RNF175: variants seen among roughly 807,000 people sequenced by gnomAD.
The protein encoded by RNF175 is ring finger protein 175.
Under a neutral mutation model 50.0 loss-of-function variants are expected in RNF175, and 38 were observed. The observed-to-expected ratio is 0.76, with a 90% CI of 0.59 to 1.00. RNF175 has a LOEUF of 1.00. Among genes scored for constraint, RNF175 ranks in the 50% least tolerant of loss-of-function variants. The probability of loss-of-function intolerance (pLI) is 0.00; values close to 1 mark genes in which losing one functional copy is unlikely to be tolerated. For synonymous variants in RNF175, 155 were observed against 146.1 expected, an observed-to-expected ratio of 1.06 and a Z score of -0.44; for missense variants, 388 against 409.6, an observed-to-expected ratio of 0.95 and a Z score of 0.46.
In RNF175 at chr4:153,751,599, T is replaced by C. The variant is rs565058024; in HGVS notation, c.67-124A>G. The stretch of plus-strand genomic sequence containing the variant: ...AATGTCACATAGTATTTGAATAATT[T>C]GGGATAAAAGTCCTAGTAAAATAAT... On this transcript the variant is annotated intron_variant, in intron 1 of 8. Transcript: ENST00000347063. 6.2e-5 allele frequency: 43 copies of C among 694,554 alleles called. 1 individual carries two copies. The East Asian group carries it at 9.7e-4, about 16-fold the overall frequency. The allele number at this position is 694,554 out of a possible 1,614,324, so 43.0% of individuals were successfully genotyped here.
chr4:153,711,303 C>T (rs1737558900), intron 8 of RNF175, among the ~76,000 whole-genome samples: 1 of 152,096 alleles, frequency 6.6e-6, no homozygotes, highest in South Asian at 2.1e-4. Context: ...ACACTTTTAG[C>T]CTTGAGTTGG....
intron 1 of RNF175, among the ~76,000 whole-genome samples, chr4:153,752,820 AAG>A (rs912057227): frequency 1.3e-5 from 2 of 152,224 alleles, no homozygotes; most frequent in African/African-American, 2.4e-5. Flanking sequence ...TTTAATCAAA[AAG>A]AGACAGTCCA....
chr4:153,726,722 C>G (rs1469188382), intron 4 of RNF175, among the ~76,000 whole-genome samples: 1 of 152,204 alleles, frequency 6.6e-6, no homozygotes, highest in African/African-American at 2.4e-5. Flanking sequence ...GGCCTATTGC[C>G]TCTTATGTAC....
At chr4:153,746,592 C>T (rs934988060) in intron 3 of RNF175, among the ~76,000 whole-genome samples, 3 of 152,108 alleles carry the variant, frequency 2.0e-5, no homozygotes, top group Non-Finnish European at 4.4e-5. Flanking sequence ...CATAGCTCTC[C>T]GAGGCTGGAG....
chr4:153,759,756 C>T, intron 1 of RNF175, 41 bp downstream of exon 1: 1 of 1,375,886 alleles, frequency 7.3e-7, no homozygotes, highest in Non-Finnish European at 9.7e-7. Flanking sequence ...CCCCGGGACC[C>T]CGGCCTGGCG....
intron 6 of RNF175, among the ~76,000 whole-genome samples, chr4:153,719,346 A>G (rs1332274138): frequency 6.6e-6 from 1 of 152,086 alleles, no homozygotes; most frequent in African/African-American, 2.4e-5. Context: ...TTCTTTTTCC[A>G]GTCTATCATT....
At chr4:153,752,741 AAC>A (rs1740355168) in intron 1 of RNF175, among the ~76,000 whole-genome samples, 1 of 152,214 alleles carries the variant, frequency 6.6e-6, no homozygotes, top group Non-Finnish European at 1.5e-5. Context: ...AGACAAATTG[AAC>A]TGGGGAAAGC....
rs188269452 is a variant in RNF175 at position 153,715,924 on chromosome 4, T to C, written c.631-262A>G. 3.5e-3 allele frequency among the ~76,000 whole-genome samples: 526 copies of C among 151,456 alleles called. 2 individuals are homozygous for C. Among genetic ancestry groups the C allele is most frequent in the African/African-American group, 0.012 (481 of 41,248 alleles). ...TAAAAATACAAAAAAATTAGCCAGG[T>C]GCGGTGGTGGGTGCCTGTAATCCCA... is the stretch of plus-strand genomic sequence containing the variant. On this transcript the variant is annotated intron_variant, in intron 6 of 8. Coordinates refer to ENST00000347063, the MANE Select transcript of RNF175 (RefSeq NM_173662.4).
chr4:153,737,056 AT>A (rs1739391006), intron 3 of RNF175, among the ~76,000 whole-genome samples: 1 of 152,120 alleles, frequency 6.6e-6, no homozygotes, highest in Non-Finnish European at 1.5e-5. Flanking sequence ...ATGGGGTCTC[AT>A]TATGTTGCCC....
Position 153,748,685 on chromosome 4 carries a change from A to C in RNF175, c.206T>G (p.Val69Gly). 2 of 1,604,698 alleles carry C rather than the reference A, an allele frequency of 1.2e-6. No homozygotes were observed. The highest frequency in any genetic ancestry group is 1.3e-5 in the African/African-American group (1 of 74,872). Residue 69 changes from valine (V) to glycine (G), a missense_variant, in exon 3 of 9, where the codon GTG becomes GGG. By Grantham distance (109) the Val-to-Gly change is moderately radical. Transcript: ENST00000347063. ...ATGCCTCTGTCTCCACTGAACCAGC[A>C]CTATCTGGGCAATGACCAGAACGCA... The part of the protein sequence containing the change: ...FLCVLVIAQI[V>G]LVQWRQRHGR...
intron 1 of RNF175, among the ~76,000 whole-genome samples, chr4:153,753,945 C>G (rs1321657838): frequency 2.7e-5 from 4 of 150,442 alleles, no homozygotes; most frequent in African/African-American, 9.7e-5. Flanking sequence ...CCGAGGCGGG[C>G]GTATCACGAG....
chr4:153,752,049 A>G (rs1475241220), intron 1 of RNF175, among the ~76,000 whole-genome samples: 5 of 152,192 alleles, frequency 3.3e-5, no homozygotes, highest in African/African-American at 1.2e-4. Context: ...TTACAAATTG[A>G]GCTGGAAAGC....
intron 3 of RNF175, among the ~76,000 whole-genome samples, chr4:153,731,091 T>C (rs189686697): frequency 4.5e-4 from 69 of 152,342 alleles, no homozygotes; most frequent in African/African-American, 1.6e-3. Flanking sequence ...CTCAGCACCA[T>C]ATTTTCTCAA....
chr4:153,714,652 ATG>A (rs1737792637), intron 7 of RNF175: 2 of 152,348 alleles, frequency 1.3e-5, no homozygotes, highest in African/African-American at 4.8e-5. Context: ...TAAAATACTG[ATG>A]ATTGGCCAAC....
intron 5 of RNF175, 62 bp from the exon 6 acceptor site, chr4:153,720,366 G>T: frequency 6.9e-7 from 1 of 1,446,046 alleles, no homozygotes; most frequent in Non-Finnish European, 9.6e-7. Flanking sequence ...GCTGGAGTTT[G>T]GAAAATATTT....
intron 5 of RNF175, among the ~76,000 whole-genome samples, chr4:153,721,824 A>C (rs921213803): frequency 1.3e-5 from 2 of 152,194 alleles, no homozygotes; most frequent in African/African-American, 4.8e-5. Context: ...ACTAAAATAA[A>C]CCAGTATAGA....
intron 3 of RNF175, among the ~76,000 whole-genome samples, chr4:153,735,444 T>A (rs1218907437): frequency 6.6e-6 from 1 of 152,198 alleles, no homozygotes; most frequent in Non-Finnish European, 1.5e-5. Flanking sequence ...TTACAGTAAG[T>A]CTTGAAATTG....
chr4:153,756,207 A>G (rs1740554627), intron 1 of RNF175, among the ~76,000 whole-genome samples: 1 of 152,086 alleles, frequency 6.6e-6, no homozygotes, highest in East Asian at 1.9e-4. Flanking sequence ...ATCAGTAGCC[A>G]TGTCCTTTTT....
intron 3 of RNF175, among the ~76,000 whole-genome samples, chr4:153,738,816 C>T (rs541959666): frequency 2.6e-5 from 4 of 152,304 alleles, no homozygotes; most frequent in African/African-American, 9.6e-5. Context: ...TCTCTGCCTT[C>T]TCTGGTTTTA....
Sources: allele counts gnomAD v4.1 joint callset (sites outside exome capture counted in the v4.1 genomes callset), GRCh38; gene constraint gnomAD v4.1.1; transcripts MANE v1.5; gene names NCBI Gene and HGNC (gene_info 2026-07-23, HGNC 2026-07-21).